DYNC1I1: variants seen among roughly 807,000 people sequenced by gnomAD.
DYNC1I1 encodes the protein dynein cytoplasmic 1 intermediate chain 1, also known as cytoplasmic dynein 1 intermediate chain 1.
A neutral mutation model predicts 86.6 loss-of-function variants in DYNC1I1; 43 were observed. The ratio of observed to expected loss-of-function variants is 0.50; its 90% CI spans 0.39 to 0.64. The LOEUF is 0.64. Ranked by LOEUF, DYNC1I1 falls within the 30% of genes least tolerant of loss-of-function variation. The probability of loss-of-function intolerance (pLI) is 0.00; values close to 1 mark genes in which losing one functional copy is unlikely to be tolerated. For missense variants in DYNC1I1, 604 were observed against 788.8 expected, an observed-to-expected ratio of 0.77 and a Z score of 2.81; for synonymous variants, 262 against 283.7, an observed-to-expected ratio of 0.92 and a Z score of 0.77.
chr7:95,783,493 T>C (rs904858628), intron 1 of DYNC1I1, among the ~76,000 whole-genome samples: 35 of 152,138 alleles, frequency 2.3e-4, no homozygotes, highest in Non-Finnish European at 4.9e-4. Context: ...TTACCTACAA[T>C]GTGGTTATAT....
At chr7:95,850,083 T>TGAGA (rs1789537262) in intron 5 of DYNC1I1, among the ~76,000 whole-genome samples, 1 of 121,424 alleles carries the variant, frequency 8.2e-6, no homozygotes, top group African/African-American at 2.6e-5. Context: ...CGGCATTTGT[T>TGAGA]TATTATTTCT....
chr7:95,969,124 G>A (rs1246071514), intron 6 of DYNC1I1, among the ~76,000 whole-genome samples: 1 of 152,130 alleles, frequency 6.6e-6, no homozygotes, highest in African/African-American at 2.4e-5. Context: ...TGCCATTACA[G>A]GTTAATTTAT....
chr7:96,015,359 G>A (rs547873545), intron 10 of DYNC1I1, among the ~76,000 whole-genome samples: 1 of 152,206 alleles, frequency 6.6e-6, no homozygotes, highest in South Asian at 2.1e-4. Context: ...CCTACAGACA[G>A]ATGGTCTTTA....
intron 1 of DYNC1I1, among the ~76,000 whole-genome samples, chr7:95,788,290 G>A (rs1360312716): frequency 6.6e-6 from 1 of 152,190 alleles, no homozygotes; most frequent in African/African-American, 2.4e-5. Context: ...GGTGATAGCA[G>A]GGGAGGTGGT....
intron 7 of DYNC1I1, 124 bp downstream of exon 7, chr7:95,977,725 A>G (rs1793345068): frequency 1.3e-6 from 1 of 750,698 alleles, no homozygotes; most frequent in African/African-American, 1.8e-5. Flanking sequence ...AAGATTTTCT[A>G]TGATTGTTCA....
At position 95,952,702 on chromosome 7, in the gene DYNC1I1, T is replaced by G. The variant is rs182319167; in HGVS notation, c.491-24810T>G. On this transcript the variant is annotated intron_variant, in intron 6 of 16. Coordinates refer to ENST00000447467, the MANE Select transcript of DYNC1I1 (RefSeq NM_001135556.2). ...CCAGGCAAAAACCTTTTTGTTTAAA[T>G]GGAGATATAAAATTTGTAGGTGCTA... Among the ~76,000 whole-genome samples the G allele has an allele frequency of 2.0e-4, 31 of 152,260 alleles. No homozygotes were observed. In the East Asian group the frequency reaches 4.3e-3, roughly 21 times the overall value.
intron 14 of DYNC1I1, among the ~76,000 whole-genome samples, 165 bp from the exon 15 acceptor site, chr7:96,075,892 T>C (rs1286120841): frequency 6.7e-6 from 1 of 150,132 alleles, no homozygotes; most frequent in African/African-American, 2.5e-5. Context: ...TTTATGCCAC[T>C]GGACAGTTCT....
intron 10 of DYNC1I1, among the ~76,000 whole-genome samples, chr7:95,997,626 T>TC (rs1171414128): frequency 6.6e-6 from 1 of 151,114 alleles, no homozygotes; most frequent in African/African-American, 2.4e-5. Context: ...TGTGTGTGTA[T>TC]CTTTGGGATC....
At chr7:95,874,741 CAGA>C (rs1410358119) in intron 6 of DYNC1I1, among the ~76,000 whole-genome samples, 1 of 152,142 alleles carries the variant, frequency 6.6e-6, no homozygotes, top group Non-Finnish European at 1.5e-5. Context: ...GTCTGCGAGC[CAGA>C]AAGAGAGCTT....
chr7:95,949,244 C>A (rs994571650), intron 6 of DYNC1I1, among the ~76,000 whole-genome samples: 4 of 152,192 alleles, frequency 2.6e-5, no homozygotes, highest in Non-Finnish European at 5.9e-5. Flanking sequence ...TATGCTTAGT[C>A]ATAAAATGTA....
At chr7:95,972,118 AG>A (rs984948551) in intron 6 of DYNC1I1, among the ~76,000 whole-genome samples, 1 of 152,132 alleles carries the variant, frequency 6.6e-6, no homozygotes, top group African/African-American at 2.4e-5. Context: ...TGTGTCGTTG[AG>A]GGTTCTGGTT....
intron 5 of DYNC1I1, among the ~76,000 whole-genome samples, chr7:95,832,524 G>C (rs1440276477): frequency 1.3e-5 from 2 of 151,996 alleles, no homozygotes; most frequent in Non-Finnish European, 2.9e-5. Context: ...TCTAGTTCTA[G>C]ATCCCTGAGG....
At chr7:95,835,408 G>A in intron 5 of DYNC1I1, among the ~76,000 whole-genome samples, 1 of 148,876 alleles carries the variant, frequency 6.7e-6, no homozygotes, top group African/African-American at 2.5e-5. Flanking sequence ...GGTCAATTTT[G>A]GAATAGGTGT....
At chr7:96,109,895 G>A (rs2116360092) in intron 16 of DYNC1I1, 1 of 209,432 alleles carries the variant, frequency 4.8e-6, no homozygotes, top group Non-Finnish European at 9.9e-6. Context: ...ATATGAATTA[G>A]GTCTATTATT....
At position 95,879,829 on chromosome 7, in the gene DYNC1I1, C is replaced by T. The variant is rs114843183; in HGVS notation, c.490+9831C>T. 6.5e-3 allele frequency among the ~76,000 whole-genome samples: 987 copies of T among 152,218 alleles called. 20 individuals are homozygous for T. Among genetic ancestry groups the T allele is most frequent in the African/African-American group, 0.023 (950 of 41,524 alleles). ...AACTTGTATGCCTTTCTTTTCTCCT[C>T]CTAATAGAGAGAGAATTGTAGGAAG... On this transcript the variant is annotated intron_variant, in intron 6 of 16. Coordinates refer to ENST00000447467, the MANE Select transcript of DYNC1I1 (RefSeq NM_001135556.2).
intron 10 of DYNC1I1, among the ~76,000 whole-genome samples, chr7:96,019,129 G>A (rs1477396730): frequency 1.3e-5 from 2 of 152,094 alleles, no homozygotes; most frequent in African/African-American, 4.8e-5. Context: ...ATACATTGTG[G>A]AAGGGCTAAA....
At chr7:96,022,699 C>CA (rs573719604) in intron 10 of DYNC1I1, among the ~76,000 whole-genome samples, 192 of 151,762 alleles carry the variant, frequency 1.3e-3, no homozygotes, top group African/African-American at 4.4e-3. Context: ...CCCATCTCTA[C>CA]AAAAAAATTT....
intron 6 of DYNC1I1, among the ~76,000 whole-genome samples, chr7:95,931,860 G>T (rs568842268): frequency 6.6e-6 from 1 of 152,258 alleles, no homozygotes; most frequent in East Asian, 1.9e-4. Context: ...ACAGCTAAAT[G>T]TTATTTTACT....
intron 16 of DYNC1I1, among the ~76,000 whole-genome samples, chr7:96,106,887 T>C (rs1006604922): frequency 3.9e-5 from 6 of 152,338 alleles, no homozygotes; most frequent in South Asian, 2.1e-4. Flanking sequence ...AAATAGAACA[T>C]GAATTCTTCA....
Sources: gnomAD v4.1 joint callset for allele counts (sites outside exome capture counted in the v4.1 genomes callset) on GRCh38, gnomAD v4.1.1 for gene constraint, MANE v1.5 for transcripts, NCBI Gene and HGNC (gene_info 2026-07-23, HGNC 2026-07-21) for gene names.